OPCML: variants seen among roughly 807,000 people sequenced by gnomAD.
The protein encoded by OPCML is opioid-binding protein/cell adhesion molecule.
In OPCML, 13 loss-of-function variants were observed where a neutral mutation model predicts 37.8. That is an observed-to-expected ratio of 0.34 (90% CI 0.22 to 0.55). The LOEUF (loss-of-function observed/expected upper bound fraction) is 0.55. Among genes scored for constraint, OPCML ranks in the 20% least tolerant of loss-of-function variants. OPCML has a pLI of 0.91. For synonymous variants in OPCML, 176 were observed against 168.8 expected, an observed-to-expected ratio of 1.04 and a Z score of -0.33; for missense variants, 341 against 435.6, an observed-to-expected ratio of 0.78 and a Z score of 1.93.
chr11:133,532,184 T>C, intron 1 of OPCML, 80 bp downstream of exon 1: 4 of 1,561,856 alleles, frequency 2.6e-6, no homozygotes, highest in Non-Finnish European at 3.5e-6. Flanking sequence ...TCCTTGCCTC[T>C]CCATCTCCCC....
At chr11:132,834,974 G>C (rs1180841805) in intron 2 of OPCML, among the ~76,000 whole-genome samples, 1 of 141,204 alleles carries the variant, frequency 7.1e-6, no homozygotes, top group African/African-American at 2.8e-5. Context: ...AGTCCCCCGG[G>C]TGGTGGCACT....
intron 1 of OPCML, among the ~76,000 whole-genome samples, chr11:133,508,946 C>G (rs182184715): frequency 7.9e-5 from 12 of 151,984 alleles, no homozygotes; most frequent in East Asian, 3.9e-4. Context: ...TATGCTCAAC[C>G]CTTTCTCTTT....
At chr11:132,702,976 CTCTA>C (rs1231580795) in intron 2 of OPCML, among the ~76,000 whole-genome samples, 30 of 151,994 alleles carry the variant, frequency 2.0e-4, no homozygotes, top group Admixed American at 2.0e-4. Context: ...TTGTTTGGTT[CTCTA>C]TCTGTTTTGT....
intron 2 of OPCML, among the ~76,000 whole-genome samples, chr11:132,893,256 C>T (rs1943720315): frequency 6.6e-6 from 1 of 152,232 alleles, no homozygotes; most frequent in East Asian, 1.9e-4. Context: ...AGCAAGACTC[C>T]GTCTCAAAAC....
At chr11:132,781,313 G>A (rs1321712044) in intron 2 of OPCML, among the ~76,000 whole-genome samples, 43 of 152,120 alleles carry the variant, frequency 2.8e-4, no homozygotes, top group East Asian at 2.0e-4. Context: ...ACCCAAATAG[G>A]ACAGAAGAAC....
intron 2 of OPCML, among the ~76,000 whole-genome samples, chr11:132,790,892 G>T (rs1396320428): frequency 6.6e-6 from 1 of 152,218 alleles, no homozygotes; most frequent in African/African-American, 2.4e-5. Flanking sequence ...CAGGGAGAAA[G>T]ATTTCGATTT....
At chr11:133,191,280 G>A (rs963441526) in intron 1 of OPCML, among the ~76,000 whole-genome samples, 1 of 151,996 alleles carries the variant, frequency 6.6e-6, no homozygotes, top group Admixed American at 6.6e-5. Flanking sequence ...TTCTTTAAGT[G>A]AATGTCTATT....
chr11:132,711,361 G>T (rs967651935), intron 2 of OPCML, among the ~76,000 whole-genome samples: 25 of 152,228 alleles, frequency 1.6e-4, no homozygotes, highest in Admixed American at 1.5e-3. Context: ...ATGCAGGCAA[G>T]CGCAGTTAAA....
At chr11:132,956,613 G>A (rs2136709551) in intron 1 of OPCML, among the ~76,000 whole-genome samples, 1 of 152,208 alleles carries the variant, frequency 6.6e-6, no homozygotes, top group Admixed American at 6.5e-5. Flanking sequence ...AAATTCTGCT[G>A]GGCTGTATGC....
intron 3 of OPCML, among the ~76,000 whole-genome samples, chr11:132,646,183 T>C (rs1055852485): frequency 3.3e-5 from 5 of 152,146 alleles, no homozygotes; most frequent in Admixed American, 3.3e-4. Flanking sequence ...CCAAACAAAT[T>C]ACTCATGTAA....
chr11:133,027,493 TGTGTGTGTGTGTGTAGTGCGG>T (rs1565405097), intron 1 of OPCML, among the ~76,000 whole-genome samples: 6 of 138,752 alleles, frequency 4.3e-5, no homozygotes, highest in African/African-American at 1.7e-4. Flanking sequence ...GTGTGTGTTG[TGTGTGTGTGTGTGTAGTGCGG>T]TGTGTGTGAT....
chr11:132,613,534 C>A (rs1938796928), intron 3 of OPCML, among the ~76,000 whole-genome samples: 1 of 152,154 alleles, frequency 6.6e-6, no homozygotes, highest in African/African-American at 2.4e-5. Context: ...TTGGAACTGT[C>A]CCAAGAAACA....
chr11:132,441,191 G>A (rs1337297929), intron 4 of OPCML, among the ~76,000 whole-genome samples: 19 of 66,362 alleles, frequency 2.9e-4, no homozygotes, highest in African/African-American at 1.2e-3. Context: ...TTTTTGAGAC[G>A]GAGTTTCGCT....
chr11:132,833,129 G>A (rs757714811), intron 2 of OPCML, among the ~76,000 whole-genome samples: 14 of 139,422 alleles, frequency 1.0e-4, no homozygotes, highest in Non-Finnish European at 1.7e-4. Context: ...TTCGCATTAT[G>A]TAACTTTTAA....
intron 3 of OPCML, 71 bp downstream of exon 3, chr11:132,657,016 A>G (rs1941740248): frequency 2.5e-6 from 4 of 1,569,964 alleles, no homozygotes; most frequent in African/African-American, 1.3e-5. Flanking sequence ...CACAGGTAGA[A>G]CAAACACCAA....
At position 132,824,255 on chromosome 11, in the gene OPCML, C is replaced by T. The variant is rs775019709; in HGVS notation, c.146+118671G>A. On this transcript the variant is annotated intron_variant, in intron 2 of 7. Transcript: ENST00000524381. Reference sequence around the variant, plus strand: ...TGAATGCAACTGCCATTTATTGAAGCCATTCCAGACAAAAAGTTAATCATC... The same window carrying T: ...TGAATGCAACTGCCATTTATTGAAGTCATTCCAGACAAAAAGTTAATCATC... Among the ~76,000 whole-genome samples, 4 of 152,296 alleles carry T rather than the reference C, an allele frequency of 2.6e-5. No individual in the cohort carries two copies. In the East Asian group the frequency reaches 7.7e-4, roughly 29 times the overall value.
At chr11:133,457,036 C>T (rs1223641122) in intron 1 of OPCML, among the ~76,000 whole-genome samples, 1 of 152,054 alleles carries the variant, frequency 6.6e-6, no homozygotes, top group Admixed American at 6.6e-5. Flanking sequence ...GATTAACCAA[C>T]CCAAAGAGAC....
chr11:132,752,265 A>T (rs958860489), intron 2 of OPCML, among the ~76,000 whole-genome samples: 3 of 152,076 alleles, frequency 2.0e-5, no homozygotes, highest in Non-Finnish European at 2.9e-5. Flanking sequence ...AATAAATAAA[A>T]AAAAAAAATT....
chr11:133,384,329 C>T (rs1263680106), intron 1 of OPCML, among the ~76,000 whole-genome samples: 3 of 151,750 alleles, frequency 2.0e-5, no homozygotes, highest in African/African-American at 7.3e-5. Context: ...TCCCACCCTC[C>T]ACTCTGGCCT....
Sources: gnomAD v4.1 joint callset for allele counts (sites outside exome capture counted in the v4.1 genomes callset) on GRCh38, gnomAD v4.1.1 for gene constraint, MANE v1.5 for transcripts, NCBI Gene and HGNC (gene_info 2026-07-23, HGNC 2026-07-21) for gene names.